ADGRL2: variants seen among roughly 807,000 people sequenced by gnomAD.
The protein encoded by ADGRL2 is calcium-independent alpha-latrotoxin receptor 2.
In ADGRL2, 44 loss-of-function variants were observed where a neutral mutation model predicts 157.4. The ratio of observed to expected loss-of-function variants is 0.28; its 90% confidence interval spans 0.22 to 0.36. ADGRL2 has a LOEUF of 0.36. Ranked by LOEUF, ADGRL2 falls within the 10% of genes least tolerant of loss-of-function variation. The pLI, the probability that ADGRL2 is intolerant of heterozygous loss-of-function variation, is 1.00. For missense variants in ADGRL2, 1,510 were observed against 1,768.9 expected (o/e 0.85, Z 2.63); for synonymous variants, 585 against 624.7 (o/e 0.94, Z 0.95).
At chr1:81,410,916 C>A (rs555217205) in intron 1 of ADGRL2, among the ~76,000 whole-genome samples, 1 of 152,256 alleles carries the variant, frequency 6.6e-6, no homozygotes, top group East Asian at 1.9e-4. Flanking sequence ...TAAGTGTACA[C>A]AGAAAATTAA....
At chr1:81,924,570 G>A (rs897310518) in intron 3 of ADGRL2, among the ~76,000 whole-genome samples, 1 of 152,100 alleles carries the variant, frequency 6.6e-6, no homozygotes, top group African/African-American at 2.4e-5. Context: ...CTAGCCTGTG[G>A]TGTTAGTAAG....
intron 2 of ADGRL2, among the ~76,000 whole-genome samples, chr1:81,533,271 C>T (rs553171796): frequency 9.2e-5 from 14 of 152,098 alleles, no homozygotes; most frequent in South Asian, 2.1e-4. Context: ...CCCAGCTACT[C>T]GGGAGGCTGA....
chr1:81,500,834 A>G (rs563567776), intron 2 of ADGRL2, among the ~76,000 whole-genome samples: 1 of 152,198 alleles, frequency 6.6e-6, no homozygotes, highest in Non-Finnish European at 1.5e-5. Flanking sequence ...AATTTTATAT[A>G]TATTTTCCCA....
chr1:81,426,362 G>A, intron 1 of ADGRL2: 1 of 282,068 alleles, frequency 3.5e-6, no homozygotes, highest in South Asian at 3.2e-5. Context: ...AGTTAGAGAG[G>A]TCCTTCTTGC....
chr1:81,632,868 G>A (rs75741889), intron 3 of ADGRL2, among the ~76,000 whole-genome samples: 1,679 of 152,278 alleles, frequency 0.011, 21 homozygotes, highest in African/African-American at 0.038. Flanking sequence ...ACATAGTAAG[G>A]TCTTTTATTC....
rs2077872342 is a variant in ADGRL2, at chr1:81,459,270, A to C, written c.-248+14181A>C. Among the ~76,000 whole-genome samples the C allele has an allele frequency of 2.0e-5, 3 of 152,066 alleles. No homozygotes were observed. In the South Asian group the frequency reaches 6.3e-4, roughly 32 times the overall value. On this transcript the variant is annotated intron_variant, in intron 2 of 24. Transcript: ENST00000370721. ...GCTTGAAGGTCAGGTTTCACCAGGGACCCATCCCTGTCTGCCTAGGAATCT... is the reference window on the plus strand; with the variant it reads ...GCTTGAAGGTCAGGTTTCACCAGGGCCCCATCCCTGTCTGCCTAGGAATCT...
At chr1:81,906,136 A>G (rs765401697) in intron 2 of ADGRL2, among the ~76,000 whole-genome samples, 1 of 152,066 alleles carries the variant, frequency 6.6e-6, no homozygotes, top group Non-Finnish European at 1.5e-5. Flanking sequence ...TACTCTCCAT[A>G]TACTATAAAC....
At chr1:81,717,029 T>C (rs977025387) in intron 1 of ADGRL2, among the ~76,000 whole-genome samples, 3 of 152,228 alleles carry the variant, frequency 2.0e-5, no homozygotes, top group African/African-American at 7.2e-5. Flanking sequence ...ATCACTAAAA[T>C]CCTGCATTAA....
At chr1:81,584,222 A>G (rs544668318) in intron 3 of ADGRL2, among the ~76,000 whole-genome samples, 3 of 152,114 alleles carry the variant, frequency 2.0e-5, no homozygotes, top group Non-Finnish European at 4.4e-5. Flanking sequence ...TTCTTCATCT[A>G]TTCACTTCAC....
intron 3 of ADGRL2, among the ~76,000 whole-genome samples, chr1:81,629,093 A>G (rs1442925340): frequency 1.3e-5 from 2 of 152,202 alleles, no homozygotes; most frequent in East Asian, 1.9e-4. Flanking sequence ...ATTAACTCCT[A>G]TATCTTTAAA....
At chr1:81,834,594 G>C (rs1297389490) in intron 1 of ADGRL2, among the ~76,000 whole-genome samples, 1 of 152,052 alleles carries the variant, frequency 6.6e-6, no homozygotes, top group Non-Finnish European at 1.5e-5. Context: ...AAAATCTTTT[G>C]ATTTAGTTTC....
intron 3 of ADGRL2, among the ~76,000 whole-genome samples, chr1:81,662,807 G>A (rs575387510): frequency 1.3e-5 from 2 of 151,906 alleles, no homozygotes; most frequent in African/African-American, 4.8e-5. Context: ...CACTCACCTT[G>A]GCCTCCCAAA....
intron 2 of ADGRL2, among the ~76,000 whole-genome samples, chr1:81,548,248 T>C (rs983945994): frequency 6.6e-6 from 1 of 152,152 alleles, no homozygotes; most frequent in Non-Finnish European, 1.5e-5. Flanking sequence ...CTCTTTTTAA[T>C]GCTAATCACA....
intron 2 of ADGRL2, among the ~76,000 whole-genome samples, chr1:81,497,079 A>G (rs930595163): frequency 5.3e-5 from 8 of 152,166 alleles, no homozygotes; most frequent in Non-Finnish European, 1.0e-4. Context: ...AAAGAGAACA[A>G]AAGGGCCAGG....
intron 8 of ADGRL2, among the ~76,000 whole-genome samples, chr1:81,951,711 T>G (rs1424541249): frequency 6.6e-6 from 1 of 152,064 alleles, no homozygotes; most frequent in Non-Finnish European, 1.5e-5. Context: ...TGGCTGAAAT[T>G]TTTGAGAAAG....
intron 1 of ADGRL2, among the ~76,000 whole-genome samples, chr1:81,715,885 T>C (rs1028248379): frequency 1.3e-5 from 2 of 152,036 alleles, no homozygotes; most frequent in African/African-American, 4.8e-5. Context: ...GCCAACCAGA[T>C]CAAGAAAGGT....
chr1:81,370,778 C>T (rs2076148467), intron 1 of ADGRL2, among the ~76,000 whole-genome samples: 1 of 152,010 alleles, frequency 6.6e-6, no homozygotes, highest in Non-Finnish European at 1.5e-5. Flanking sequence ...TATGATTTTG[C>T]CCCATGTGCT....
At chr1:81,373,108 T>G (rs2076188666) in intron 1 of ADGRL2, among the ~76,000 whole-genome samples, 3 of 152,210 alleles carry the variant, frequency 2.0e-5, no homozygotes, top group Admixed American at 1.3e-4. Context: ...GACCTCTGTC[T>G]CATCCAATAT....
rs543214214 is a variant in ADGRL2 at position 81,990,616 on chromosome 1, C to T, written c.3881C>T (p.Thr1294Met). Residue 1294 changes from threonine (T) to methionine (M), a missense_variant, in exon 24 of 24, where the codon ACG (threonine) becomes ATG (methionine). By Grantham distance (81) the Thr-to-Met change is moderately conservative. Around this residue, in one of 4 missense-constraint regions of ADGRL2, gnomAD observed 327 missense variants for 310.1 expected, o/e 1.05. Coordinates refer to ENST00000686636, the MANE Select transcript of ADGRL2 (RefSeq NM_001366006.2). ...GSSKTHNLELTLPVKPVIGGS... is the reference protein window; with the variant it reads ...GSSKTHNLELMLPVKPVIGGS... ...AGCAAGACTCACAACCTCGAGCTCA[C>T]GCTACCAGTCAAACCTGTGATTGGA... is the stretch of plus-strand genomic sequence containing the variant. The T allele has an allele frequency of 2.7e-5, 43 of 1,614,144 alleles. No individual in the cohort carries two copies. The African/African-American group carries it at 2.8e-4, about 11-fold the overall frequency.
Sources: gnomAD v4.1 joint callset for allele counts (sites outside exome capture counted in the v4.1 genomes callset) on GRCh38, gnomAD v4.1.1 for gene constraint, gnomAD v4.1.1 regional missense constraint, MANE v1.5 for transcripts, NCBI Gene and HGNC (gene_info 2026-07-23, HGNC 2026-07-21) for gene names.